Variants in KIAA1217 observed in about 807,000 individuals in gnomAD.
The protein encoded by KIAA1217 is sickle tail protein homolog.
A neutral mutation model predicts 163.9 loss-of-function variants in KIAA1217; 88 were observed. That is an observed-to-expected ratio of 0.54 (90% CI 0.45 to 0.64). KIAA1217 has a LOEUF of 0.64. KIAA1217 is among the 30% of genes least tolerant of loss of function. The pLI, the probability that KIAA1217 is intolerant of heterozygous loss-of-function variation, is 0.00. For synonymous variants in KIAA1217, 903 were observed against 923.1 expected (o/e 0.98, Z 0.39); for missense variants, 2,372 against 2,475.0 (o/e 0.96, Z 0.88).
At chr10:23,764,111 G>GA (rs999378952) in intron 1 of KIAA1217, among the ~76,000 whole-genome samples, 2 of 151,054 alleles carry the variant, frequency 1.3e-5, no homozygotes, top group African/African-American at 4.9e-5. Flanking sequence ...ATATTTACAA[G>GA]AAAAAAAACA....
chr10:23,842,456 A>T (rs796673289), intron 1 of KIAA1217, among the ~76,000 whole-genome samples: 8 of 152,280 alleles, frequency 5.3e-5, no homozygotes, highest in African/African-American at 1.2e-4. Flanking sequence ...ATATGGAGCG[A>T]GTGCTGGGTA....
At chr10:23,935,218 C>G (rs923161858) in intron 1 of KIAA1217, among the ~76,000 whole-genome samples, 1 of 152,034 alleles carries the variant, frequency 6.6e-6, no homozygotes, top group Non-Finnish European at 1.5e-5. Context: ...TTGGCCAGTC[C>G]GAAAGCTGAG....
intron 1 of KIAA1217, among the ~76,000 whole-genome samples, chr10:23,824,797 T>C (rs1837822369): frequency 6.6e-6 from 1 of 151,170 alleles, no homozygotes; most frequent in Admixed American, 6.6e-5. Context: ...GTAGGGCATT[T>C]ATCATCTATT....
intron 1 of KIAA1217, among the ~76,000 whole-genome samples, chr10:23,988,424 AT>A (rs1336536280): frequency 6.6e-6 from 1 of 152,136 alleles, no homozygotes; most frequent in Non-Finnish European, 1.5e-5. Flanking sequence ...GCAAATTTAC[AT>A]TTTTTCTCCT....
intron 1 of KIAA1217, among the ~76,000 whole-genome samples, chr10:23,934,621 A>ATTTTTTTTTT (rs1417805516): frequency 4.9e-5 from 3 of 61,736 alleles, no homozygotes; most frequent in Non-Finnish European, 2.7e-5. Flanking sequence ...ATATATATAT[A>ATTTTTTTTTT]TATATTTTTT....
chr10:23,742,020 C>A (rs1189728476), intron 1 of KIAA1217, among the ~76,000 whole-genome samples: 4 of 152,026 alleles, frequency 2.6e-5, no homozygotes, highest in Non-Finnish European at 5.9e-5. Context: ...AGAGAACTGA[C>A]CTTAGGGGCA....
intron 3 of KIAA1217, among the ~76,000 whole-genome samples, chr10:24,381,801 G>A (rs1245992317): frequency 6.6e-6 from 1 of 152,156 alleles, no homozygotes; most frequent in African/African-American, 2.4e-5. Context: ...AGTGGTGTGG[G>A]TTTCCACCAG....
chr10:24,219,884 G>T lies in KIAA1217; in HGVS notation c.329G>T (p.Gly110Val). The T allele has an allele frequency of 6.2e-7, 1 of 1,606,488 alleles. No homozygotes were observed. The highest frequency in any genetic ancestry group is 8.5e-7 in the Non-Finnish European group (1 of 1,175,946). ...CCCCACCACGCCTCTGCAATCATGG[G>T]TCACCAAGAGAGGCTGAGAGACCAG... ...KYPHHASAIMGHQERLRDQTR... is the reference protein window; with the variant it reads ...KYPHHASAIMVHQERLRDQTR... Residue 110 changes from glycine to valine, a missense_variant, in exon 2 of 21, where the codon GGT (glycine) becomes GTT (valine). Gly to Val is a moderately radical substitution (Grantham distance 109). Transcript: ENST00000376454.
chr10:24,031,472 A>C (rs762608668), intron 2 of KIAA1217, among the ~76,000 whole-genome samples: 3 of 151,868 alleles, frequency 2.0e-5, no homozygotes, highest in Non-Finnish European at 2.9e-5. Flanking sequence ...GCTAATTTTT[A>C]TATTTTTCAT....
intron 2 of KIAA1217, among the ~76,000 whole-genome samples, chr10:24,175,141 C>T (rs1240292792): frequency 3.9e-5 from 6 of 152,120 alleles, no homozygotes; most frequent in South Asian, 4.1e-4. Flanking sequence ...GGATTACAGG[C>T]GTGAGCCACC....
At chr10:24,204,475 A>G (rs761474480), upstream of KIAA1217, among the ~76,000 whole-genome samples, 1 of 152,186 alleles carries the variant, frequency 6.6e-6, no homozygotes, top group Admixed American at 6.5e-5. Context: ...TTTAAGATTA[A>G]TTATTTTTTA....
At chr10:24,231,951 G>A (rs550736894) in intron 2 of KIAA1217, among the ~76,000 whole-genome samples, 40 of 152,162 alleles carry the variant, frequency 2.6e-4, no homozygotes, top group Middle Eastern at 3.4e-3. Context: ...GTGCCACCAC[G>A]CCTGAGTAAT....
chr10:24,212,489 G>A (rs1411355103), intron 1 of KIAA1217, among the ~76,000 whole-genome samples: 1 of 152,172 alleles, frequency 6.6e-6, no homozygotes, highest in Non-Finnish European at 1.5e-5. Context: ...TCCAAAGGAT[G>A]CCCCCCGAGG....
chr10:24,066,223 G>C (rs1335932558), intron 2 of KIAA1217, among the ~76,000 whole-genome samples: 2 of 152,220 alleles, frequency 1.3e-5, no homozygotes, highest in East Asian at 3.8e-4. Context: ...AGTTGATGCA[G>C]TTTCTTCCTA....
chr10:24,502,596 C>T (rs778314461), intron 9 of KIAA1217, among the ~76,000 whole-genome samples: 3 of 152,178 alleles, frequency 2.0e-5, no homozygotes, highest in Admixed American at 2.0e-4. Context: ...CCTTCTCCCA[C>T]CTCCCTGCCC....
intron 2 of KIAA1217, among the ~76,000 whole-genome samples, chr10:24,186,443 A>G (rs1393656256): frequency 2.0e-5 from 3 of 152,174 alleles, no homozygotes; most frequent in South Asian, 2.1e-4. Flanking sequence ...TTCTTAGCCT[A>G]TATTTCCATG....
chr10:23,965,274 T>C (rs7090799), intron 1 of KIAA1217, among the ~76,000 whole-genome samples: 64,500 of 152,172 alleles, frequency 0.42, 16,837 homozygotes, highest in African/African-American at 0.74. Flanking sequence ...CTGCGTGTGT[T>C]CTCTGGGAAA....
At chr10:24,522,063 C>A in intron 12 of KIAA1217, 134 bp downstream of exon 12, 2 of 942,496 alleles carry the variant, frequency 2.1e-6, no homozygotes, top group Non-Finnish European at 3.0e-6. Context: ...AGCCCCAAGT[C>A]CTTCTCACCC....
intron 1 of KIAA1217, among the ~76,000 whole-genome samples, chr10:23,798,990 C>G (rs1024212033): frequency 4.6e-5 from 7 of 152,168 alleles, no homozygotes; most frequent in Non-Finnish European, 1.0e-4. Context: ...TCAGCAGGGC[C>G]GGTTCCCTCT....
Sources: allele counts gnomAD v4.1 joint callset (sites outside exome capture counted in the v4.1 genomes callset), GRCh38; gene constraint gnomAD v4.1.1; transcripts MANE v1.5; gene names NCBI Gene and HGNC (gene_info 2026-07-23, HGNC 2026-07-21).